The following AAK1 variants were observed in gnomAD, a reference collection of about 807,000 sequenced individuals.
AAK1 encodes AP2-associated protein kinase 1.
In AAK1, 37 loss-of-function variants were observed where a neutral mutation model predicts 116.0. That is an observed-to-expected ratio of 0.32 (90% CI 0.25 to 0.42). The LOEUF (loss-of-function observed/expected upper bound fraction) is 0.42. AAK1 is among the 10% of genes least tolerant of loss of function. The pLI is 1.00. For missense variants in AAK1, 919 were observed against 1,170.6 expected, an observed-to-expected ratio of 0.79 and a Z score of 3.14; for synonymous variants, 458 against 439.9, an observed-to-expected ratio of 1.04 and a Z score of -0.51.
intron 2 of AAK1, among the ~76,000 whole-genome samples, chr2:69,589,338 C>A (rs758492789): frequency 9.9e-5 from 15 of 152,242 alleles, no homozygotes; most frequent in Admixed American, 6.5e-5. Context: ...AGAGTCAAGA[C>A]CTAGAAAGAT....
At chr2:69,596,875 T>C (rs978804015) in intron 2 of AAK1, among the ~76,000 whole-genome samples, 1 of 152,198 alleles carries the variant, frequency 6.6e-6, no homozygotes, top group African/African-American at 2.4e-5. Context: ...GTGCACTCTC[T>C]GCCTTCTAAC....
intron 16 of AAK1, among the ~76,000 whole-genome samples, chr2:69,505,235 C>T (rs1214919356): frequency 6.6e-6 from 1 of 152,028 alleles, no homozygotes; most frequent in Non-Finnish European, 1.5e-5. Flanking sequence ...TAAGAAATTA[C>T]AAGCAATGAA....
At chr2:69,548,971 C>T (rs766774849) in intron 3 of AAK1, among the ~76,000 whole-genome samples, 2 of 152,190 alleles carry the variant, frequency 1.3e-5, no homozygotes, top group Non-Finnish European at 2.9e-5. Flanking sequence ...AGCCCTCACC[C>T]GTTAGACAGT....
In AAK1 at chr2:69,470,452, T is replaced by C. The variant is rs981749527; in HGVS notation, c.*5417A>G. 2.9e-5 allele frequency: 29 copies of C among 985,296 alleles called. No individual in the cohort carries two copies. The highest frequency in any genetic ancestry group is 1.0e-3 in the Middle Eastern group (2 of 1,936). The allele number at this position is 985,296 out of a possible 1,614,324, so 61.0% of individuals were successfully genotyped here. On this transcript the variant is annotated 3_prime_UTR_variant, in exon 22 of 22. Transcript: ENST00000409085. The stretch of plus-strand genomic sequence containing the variant: ...GCATTTGGTTCCACCATATATTAGG[T>C]AGCTGCATTAAAACCCACGACTGGG...
chr2:69,542,376 T>C, intron 5 of AAK1, 147 bp downstream of exon 5: 1 of 1,027,596 alleles, frequency 9.7e-7, no homozygotes, highest in Non-Finnish European at 1.4e-6. Flanking sequence ...TTTTCCTTTG[T>C]TATTTTCTCT....
At chr2:69,583,906 A>G (rs1672649967) in intron 2 of AAK1, among the ~76,000 whole-genome samples, 1 of 151,728 alleles carries the variant, frequency 6.6e-6, no homozygotes, top group African/African-American at 2.4e-5. Context: ...TGGATTTCTC[A>G]CTCTTTCCCC....
chr2:69,531,851 G>A, intron 6 of AAK1, 190 bp downstream of exon 6: 1 of 1,260,304 alleles, frequency 7.9e-7, no homozygotes, highest in Non-Finnish European at 1.1e-6. Flanking sequence ...TTACTCTGAT[G>A]TATGCCTGTA....
chr2:69,479,951 C>T (rs1458513394), intron 19 of AAK1, among the ~76,000 whole-genome samples: 1 of 152,080 alleles, frequency 6.6e-6, no homozygotes, highest in Non-Finnish European at 1.5e-5. Context: ...GACGGCGTTT[C>T]TCCATGTTGG....
intron 2 of AAK1, among the ~76,000 whole-genome samples, chr2:69,618,844 T>A (rs1327341463): frequency 6.6e-6 from 1 of 152,132 alleles, no homozygotes; most frequent in African/African-American, 2.4e-5. Flanking sequence ...TCAACACAAA[T>A]CTTAAACATC....
intron 3 of AAK1, among the ~76,000 whole-genome samples, chr2:69,556,603 G>A (rs894714614): frequency 1.3e-5 from 2 of 152,110 alleles, no homozygotes; most frequent in African/African-American, 4.8e-5. Context: ...TGTTAAGTAA[G>A]CTTTTCCCAA....
rs760635386 is a variant in AAK1 at position 69,519,174 on chromosome 2, T to C, written c.1277A>G (p.Gln426Arg). 2 of 1,587,820 alleles carry C rather than the reference T, an allele frequency of 1.3e-6. No individual in the cohort carries two copies. The highest frequency in any genetic ancestry group is 1.7e-6 in the Non-Finnish European group (2 of 1,166,944). ...CTTGGCCTGAGTTTGCGGCAGAGGCTGGCTGGGTGGGGCTTGGGGTTTTGG... is the reference window on the plus strand; with the variant it reads ...CTTGGCCTGAGTTTGCGGCAGAGGCCGGCTGGGTGGGGCTTGGGGTTTTGG... ...PQPKPQAPPS[Q>R]PLPQTQAKQP... The change falls in exon 12 of 22, where the codon CAG (glutamine) becomes CGG (arginine). Residue 426 changes from glutamine (Q) to arginine (R), a missense_variant. By Grantham distance (43) the Gln-to-Arg change is conservative. Transcript: ENST00000409085.
Position 69,512,694 on chromosome 2 carries a change from T to C in AAK1, c.1776+1777A>G, listed in dbSNP as rs117427669. The stretch of plus-strand genomic sequence containing the variant: ...GGCTCCTGGCCAAAGCATGGTCTAT[T>C]TCTGTTTCCTCTCTGTCCCCAAAAC... On this transcript the variant is annotated intron_variant, in intron 13 of 21. Coordinates refer to ENST00000409085, the MANE Select transcript of AAK1 (RefSeq NM_014911.5). Among the ~76,000 whole-genome samples the C allele has an allele frequency of 1.1e-3, 169 of 152,360 alleles. 4 individuals carry two copies. The East Asian group carries it at 0.031, about 28-fold the overall frequency.
chr2:69,634,938 C>T (rs930245089), intron 2 of AAK1, among the ~76,000 whole-genome samples: 4 of 152,216 alleles, frequency 2.6e-5, no homozygotes, highest in Non-Finnish European at 4.4e-5. Context: ...TACAAGATGA[C>T]AATGCACTGG....
At chr2:69,580,911 G>A (rs1291604482) in intron 2 of AAK1, among the ~76,000 whole-genome samples, 1 of 151,986 alleles carries the variant, frequency 6.6e-6, no homozygotes, top group Non-Finnish European at 1.5e-5. Flanking sequence ...ACCAGCCCAA[G>A]GACAGTCATA....
intron 8 of AAK1, among the ~76,000 whole-genome samples, chr2:69,529,756 T>C (rs1033280040): frequency 2.6e-5 from 4 of 152,208 alleles, no homozygotes; most frequent in African/African-American, 9.6e-5. Flanking sequence ...AGAAGCACTA[T>C]ACTGCTCCAG....
chr2:69,501,150 A>G (rs2104948029), intron 16 of AAK1, among the ~76,000 whole-genome samples: 1 of 152,312 alleles, frequency 6.6e-6, no homozygotes, highest in South Asian at 2.1e-4. Flanking sequence ...TGCTTTACAC[A>G]TTTGATATGT....
intron 2 of AAK1, among the ~76,000 whole-genome samples, chr2:69,603,024 G>C (rs1210298834): frequency 6.6e-6 from 1 of 151,942 alleles, no homozygotes; most frequent in Non-Finnish European, 1.5e-5. Context: ...AATCAAGTTG[G>C]TTCAAAAAAG....
At chr2:69,636,692 A>C (rs1363066897) in intron 2 of AAK1, among the ~76,000 whole-genome samples, 2 of 150,060 alleles carry the variant, frequency 1.3e-5, no homozygotes, top group Non-Finnish European at 3.0e-5. Context: ...TAGATAATTT[A>C]TTTTTTCTTT....
chr2:69,589,714 A>G (rs1046935938), intron 2 of AAK1, among the ~76,000 whole-genome samples: 1 of 150,884 alleles, frequency 6.6e-6, no homozygotes, highest in Non-Finnish European at 1.5e-5. Flanking sequence ...GTCTCAAAAA[A>G]AAAAAAAAAA....
Sources: gnomAD v4.1 joint callset for allele counts (sites outside exome capture counted in the v4.1 genomes callset) on GRCh38, gnomAD v4.1.1 for gene constraint, MANE v1.5 for transcripts, NCBI Gene and HGNC (gene_info 2026-07-23, HGNC 2026-07-21) for gene names.